The following H2BC7 variants were observed in gnomAD, a reference collection of about 807,000 sequenced individuals.
H2BC7 encodes the protein histone H2B type 1-C/E/F/G/I.
H2BC7 carries 15 observed loss-of-function variants against 6.0 expected under a neutral mutation model. That is an observed-to-expected ratio of 2.48 (90% CI 1.66 to 3.82). H2BC7 has a LOEUF of 3.82. H2BC7 is among the 30% of genes most tolerant of loss of function. The pLI is 0.00. For synonymous variants in H2BC7, 148 were observed against 70.7 expected, an observed-to-expected ratio of 2.09 and a Z score of -5.49; for missense variants, 227 against 169.4, an observed-to-expected ratio of 1.34 and a Z score of -1.89.
rs1202104828 is a variant in H2BC7, at chr6:26,199,659, G to C, written c.101G>C (p.Arg34Pro). 7.4e-6 allele frequency: 12 copies of C among 1,614,118 alleles called. No homozygotes were observed. The highest frequency in any genetic ancestry group is 1.0e-5 in the Non-Finnish European group (12 of 1,180,046). ...GATGGTAAGAAGCGCAAGCGTAGCC[G>C]CAAGGAGAGCTATTCCGTGTACGTG... Reference protein sequence around the residue: ...KKDGKKRKRSRKESYSVYVYK... With the variant: ...KKDGKKRKRSPKESYSVYVYK... Residue 34 changes from arginine to proline, a missense_variant, in exon 1 of 1, where the codon CGC becomes CCC. Transcript: ENST00000356530.
rs1398587882 is a variant in H2BC7, at chr6:26,199,591, A to C, written c.33A>C (p.Pro11=). MPEPAKSAPA[P]KKGSKKAVTK... is the part of the protein sequence containing the mutation. ...AACCTGCTAAGTCCGCTCCTGCTCC[A>C]AAAAAGGGCTCCAAAAAGGCGGTGA... Residue 11 remains proline, a synonymous_variant, in exon 1 of 1, where the codon CCA becomes CCC. Coordinates refer to ENST00000356530, the MANE Select transcript of H2BC7 (RefSeq NM_003522.4). 7.4e-6 allele frequency: 12 copies of C among 1,613,878 alleles called. No homozygotes were observed. The highest frequency in any genetic ancestry group is 1.0e-5 in the Non-Finnish European group (12 of 1,179,890).
chr6:26,199,785 G>T lies in H2BC7; in HGVS notation c.227G>T (p.Gly76Val), dbSNP rs371628950. ...AACGATATCTTCGAGCGCATCGCTG[G>T]CGAGGCTTCCCGCCTGGCGCATTAC... Reference protein sequence around the residue: ...FVNDIFERIAGEASRLAHYNK... With the variant: ...FVNDIFERIAVEASRLAHYNK... Residue 76 changes from glycine to valine, a missense_variant, in exon 1 of 1, where the codon GGC (glycine) becomes GTC (valine). Gly to Val is a moderately radical substitution (Grantham distance 109). Transcript: ENST00000356530. 110 of 1,614,222 alleles carry T rather than the reference G, an allele frequency of 6.8e-5. No individual in the cohort carries two copies. The highest frequency in any genetic ancestry group is 9.0e-5 in the Non-Finnish European group (106 of 1,180,044).
rs199976373 is a variant in H2BC7, at chr6:26,199,628, A to T, written c.70A>T (p.Lys24Ter). Residue 24 changes from lysine (K) to a stop codon, truncating the protein, a stop_gained, in exon 1 of 1, where the codon AAG becomes TAG. Coordinates refer to ENST00000356530, the MANE Select transcript of H2BC7 (RefSeq NM_003522.4). LOFTEE classifies it high-confidence loss of function. The stretch of plus-strand genomic sequence containing the variant: ...CAAAAAGGCGGTGACCAAGGCGCAG[A>T]AGAAGGATGGTAAGAAGCGCAAGCG... ...GSKKAVTKAQKKDGKKRKRSR... is the reference protein window; with the variant it reads ...GSKKAVTKAQ 3.7e-6 allele frequency: 6 copies of T among 1,614,180 alleles called. No homozygotes were observed. The highest frequency in any genetic ancestry group is 4.2e-6 in the Non-Finnish European group (5 of 1,179,966).
In H2BC7 at chr6:26,199,648, C is replaced by T. The variant is rs1182487583; in HGVS notation, c.90C>T (p.Arg30=). 3 of 1,614,128 alleles carry T rather than the reference C, an allele frequency of 1.9e-6. No individual in the cohort carries two copies. Among genetic ancestry groups the T allele is most frequent in the African/African-American group, 1.3e-5 (1 of 74,938 alleles). Residue 30 remains arginine, a synonymous_variant, in exon 1 of 1, where the codon CGC becomes CGT. Transcript: ENST00000356530. ...CGCAGAAGAAGGATGGTAAGAAGCGCAAGCGTAGCCGCAAGGAGAGCTATT... is the reference window on the plus strand; with the variant it reads ...CGCAGAAGAAGGATGGTAAGAAGCGTAAGCGTAGCCGCAAGGAGAGCTATT... ...TKAQKKDGKK[R]KRSRKESYSV... is the part of the protein sequence containing the mutation.
Position 26,199,825 on chromosome 6 carries a change from C to T in H2BC7, c.267C>T (p.Thr89=). Residue 89 remains threonine (T), a synonymous_variant, in exon 1 of 1, where the codon ACC becomes ACT. Coordinates refer to ENST00000356530, the MANE Select transcript of H2BC7 (RefSeq NM_003522.4). ...TGGCGCATTACAACAAGCGCTCCAC[C>T]ATCACCTCCAGGGAGATCCAGACGG... is the stretch of plus-strand genomic sequence containing the variant. ...SRLAHYNKRS[T]ITSREIQTAV... is the part of the protein sequence containing the mutation. 9 of 1,614,254 alleles carry T rather than the reference C, an allele frequency of 5.6e-6. No individual in the cohort carries two copies. The highest frequency in any genetic ancestry group is 7.6e-6 in the Non-Finnish European group (9 of 1,180,048).
Position 26,199,626 on chromosome 6 carries a change from A to G in H2BC7, c.68A>G (p.Gln23Arg), listed in dbSNP as rs1434747421. 1.9e-6 allele frequency: 3 copies of G among 1,614,172 alleles called. No homozygotes were observed. The highest frequency in any genetic ancestry group is 8.5e-7 in the Non-Finnish European group (1 of 1,179,960). ...TCCAAAAAGGCGGTGACCAAGGCGC[A>G]GAAGAAGGATGGTAAGAAGCGCAAG... is the stretch of plus-strand genomic sequence containing the variant. ...KGSKKAVTKAQKKDGKKRKRS... is the reference protein window; with the variant it reads ...KGSKKAVTKARKKDGKKRKRS... Residue 23 changes from glutamine (Q) to arginine (R), a missense_variant, in exon 1 of 1, where the codon CAG (glutamine) becomes CGG (arginine). By Grantham distance (43) the Gln-to-Arg change is conservative (BLOSUM62 1). Coordinates refer to ENST00000356530, the MANE Select transcript of H2BC7 (RefSeq NM_003522.4).
rs1426581628 is a variant in H2BC7 at position 26,199,519 on chromosome 6, T to C, written c.-40T>C. 2 of 1,596,990 alleles carry C rather than the reference T, an allele frequency of 1.3e-6. No homozygotes were observed. The highest frequency in any genetic ancestry group is 2.7e-5 in the African/African-American group (2 of 73,670). ...TTACCAGCTGCAGAGTGAGGACACT[T>C]GCATTTCTCTTTAGGTTGTGGACGA... On this transcript the variant is annotated 5_prime_UTR_variant, in exon 1 of 1. Transcript: ENST00000356530.
At position 26,199,609 on chromosome 6, in the gene H2BC7, G is replaced by A. The variant is rs1040661277; in HGVS notation, c.51G>A (p.Lys17=). The change falls in exon 1 of 1, where the codon AAG becomes AAA. Residue 17 remains lysine (K), a synonymous_variant. Transcript: ENST00000356530. ...CTGCTCCAAAAAAGGGCTCCAAAAA[G>A]GCGGTGACCAAGGCGCAGAAGAAGG... ...SAPAPKKGSK[K]AVTKAQKKDG... 1.9e-6 allele frequency: 3 copies of A among 1,614,128 alleles called. No individual in the cohort carries two copies. Among genetic ancestry groups the A allele is most frequent in the African/African-American group, 2.7e-5 (2 of 74,946 alleles).
Position 26,199,897 on chromosome 6 carries a change from A to C in H2BC7, c.339A>C (p.Ser113=), listed in dbSNP as rs771248660. The C allele has an allele frequency of 1.2e-6, 2 of 1,614,136 alleles. No homozygotes were observed. The highest frequency in any genetic ancestry group is 1.7e-6 in the Non-Finnish European group (2 of 1,180,056). Reference sequence around the variant, plus strand: ...GGGAGCTGGCTAAGCACGCCGTGTCAGAGGGCACCAAGGCCGTCACCAAGT... The same window carrying C: ...GGGAGCTGGCTAAGCACGCCGTGTCCGAGGGCACCAAGGCCGTCACCAAGT... The part of the protein sequence containing the change: ...LPGELAKHAV[S]EGTKAVTKYT... The change falls in exon 1 of 1, where the codon TCA becomes TCC. Residue 113 remains serine (S), a synonymous_variant. Transcript: ENST00000356530.
In H2BC7 at chr6:26,199,571, G is replaced by T; in HGVS notation, c.13G>T (p.Ala5Ser). The T allele has an allele frequency of 6.2e-7, 1 of 1,614,020 alleles. No individual in the cohort carries two copies. The highest frequency in any genetic ancestry group is 1.3e-5 in the African/African-American group (1 of 74,994). The change falls in exon 1 of 1, where the codon GCT becomes TCT. Residue 5 changes from alanine to serine, a missense_variant. By Grantham distance (99) the Ala-to-Ser change is moderately conservative. Coordinates refer to ENST00000356530, the MANE Select transcript of H2BC7 (RefSeq NM_003522.4). ...GTGTTTATTTATCATGCCTGAACCTGCTAAGTCCGCTCCTGCTCCAAAAAA... is the reference window on the plus strand; with the variant it reads ...GTGTTTATTTATCATGCCTGAACCTTCTAAGTCCGCTCCTGCTCCAAAAAA... MPEP[A>S]KSAPAPKKGS...
rs768751642 is a variant in H2BC7, at chr6:26,199,867, G to GC, written c.312dup (p.Gly105ArgfsTer5). Reference sequence around the variant, plus strand: ...TCCAGACGGCCGTACGCCTGCTGCTGCCCGGGGAGCTGGCTAAGCACGCCG... The same window carrying GC: ...TCCAGACGGCCGTACGCCTGCTGCTGCCCCGGGGAGCTGGCTAAGCACGCCG... On this transcript the variant is annotated frameshift_variant, in exon 1 of 1. Coordinates refer to ENST00000356530, the MANE Select transcript of H2BC7 (RefSeq NM_003522.4). LOFTEE classifies it high-confidence loss of function. 6.2e-6 allele frequency: 10 copies of GC among 1,614,252 alleles called. No individual in the cohort carries two copies. Among genetic ancestry groups the GC allele is most frequent in the Non-Finnish European group, 8.5e-6 (10 of 1,180,034 alleles).
chr6:26,199,893 T>C lies in H2BC7; in HGVS notation c.335T>C (p.Val112Ala). Residue 112 changes from valine to alanine, a missense_variant, in exon 1 of 1, where the codon GTG becomes GCG. Transcript: ENST00000356530. ...LLPGELAKHAVSEGTKAVTKY... is the reference protein window; with the variant it reads ...LLPGELAKHAASEGTKAVTKY... ...CCCGGGGAGCTGGCTAAGCACGCCGTGTCAGAGGGCACCAAGGCCGTCACC... is the reference window on the plus strand; with the variant it reads ...CCCGGGGAGCTGGCTAAGCACGCCGCGTCAGAGGGCACCAAGGCCGTCACC... 1 of 1,614,266 alleles carries C rather than the reference T, an allele frequency of 6.2e-7. No individual in the cohort carries two copies.
In H2BC7 at chr6:26,199,595, A is replaced by T. The variant is rs779742986; in HGVS notation, c.37A>T (p.Lys13Ter). 6.2e-7 allele frequency: 1 copy of T among 1,614,176 alleles called. No homozygotes were observed. Among genetic ancestry groups the T allele is most frequent in the African/African-American group, 1.3e-5 (1 of 75,056 alleles). Reference protein sequence around the residue: ...EPAKSAPAPKKGSKKAVTKAQ... With the variant: ...EPAKSAPAPK ...TGCTAAGTCCGCTCCTGCTCCAAAAAAGGGCTCCAAAAAGGCGGTGACCAA... is the reference window on the plus strand; with the variant it reads ...TGCTAAGTCCGCTCCTGCTCCAAAATAGGGCTCCAAAAAGGCGGTGACCAA... Residue 13 changes from lysine (K) to a stop codon, truncating the protein, a stop_gained, in exon 1 of 1, where the codon AAG becomes TAG. Transcript: ENST00000356530. LOFTEE classifies it high-confidence loss of function.
At position 26,199,540 on chromosome 6, in the gene H2BC7, G is replaced by C; in HGVS notation, c.-19G>C. 1 of 1,609,380 alleles carries C rather than the reference G, an allele frequency of 6.2e-7. No individual in the cohort carries two copies. The highest frequency in any genetic ancestry group is 8.5e-7 in the Non-Finnish European group (1 of 1,178,626). On this transcript the variant is annotated 5_prime_UTR_variant, in exon 1 of 1. Transcript: ENST00000356530. ...CACTTGCATTTCTCTTTAGGTTGTG[G>C]ACGAAGTGTTTATTTATCATGCCTG...
chr6:26,199,598 G>C lies in H2BC7; in HGVS notation c.40G>C (p.Gly14Arg). ...TAAGTCCGCTCCTGCTCCAAAAAAG[G>C]GCTCCAAAAAGGCGGTGACCAAGGC... ...PAKSAPAPKK[G>R]SKKAVTKAQK... The change falls in exon 1 of 1, where the codon GGC (glycine) becomes CGC (arginine). Residue 14 changes from glycine to arginine, a missense_variant. Gly to Arg is a moderately radical substitution (Grantham distance 125, BLOSUM62 -2). Transcript: ENST00000356530. The C allele has an allele frequency of 6.2e-7, 1 of 1,614,126 alleles. No homozygotes were observed. Among genetic ancestry groups the C allele is most frequent in the Non-Finnish European group, 8.5e-7 (1 of 1,180,006 alleles).
rs1200137193 is a variant in H2BC7, at chr6:26,199,695, T to C, written c.137T>C (p.Leu46Pro). ...ESYSVYVYKV[L>P]KQVHPDTGIS... is the part of the protein sequence containing the mutation. ...TATTCCGTGTACGTGTACAAGGTGC[T>C]AAAGCAGGTCCACCCCGACACCGGC... Residue 46 changes from leucine to proline, a missense_variant, in exon 1 of 1, where the codon CTA becomes CCA. Physicochemically the swap from Leu to Pro is moderately conservative, Grantham distance 98. Coordinates refer to ENST00000356530, the MANE Select transcript of H2BC7 (RefSeq NM_003522.4). The C allele has an allele frequency of 4.3e-6, 7 of 1,614,116 alleles. No homozygotes were observed. In the African/African-American group the frequency reaches 8.0e-5, roughly 18 times the overall value.
In H2BC7 at chr6:26,199,768, C is replaced by T; in HGVS notation, c.210C>T (p.Ile70=). 2 of 1,614,270 alleles carry T rather than the reference C, an allele frequency of 1.2e-6. No homozygotes were observed. The highest frequency in any genetic ancestry group is 1.7e-6 in the Non-Finnish European group (2 of 1,180,046). Residue 70 remains isoleucine, a synonymous_variant, in exon 1 of 1, where the codon ATC becomes ATT. Coordinates refer to ENST00000356530, the MANE Select transcript of H2BC7 (RefSeq NM_003522.4). ...TCATGAACTCCTTCGTCAACGATATCTTCGAGCGCATCGCTGGCGAGGCTT... is the reference window on the plus strand; with the variant it reads ...TCATGAACTCCTTCGTCAACGATATTTTCGAGCGCATCGCTGGCGAGGCTT... The part of the protein sequence containing the change: ...MGIMNSFVND[I]FERIAGEASR...
Position 26,199,594 on chromosome 6 carries a change from A to G in H2BC7, c.36A>G (p.Lys12=), listed in dbSNP as rs41266807. 232,291 of 1,614,052 alleles carry G rather than the reference A, an allele frequency of 0.14. 17,667 individuals are homozygous for G. The highest frequency in any genetic ancestry group is 0.25 in the Middle Eastern group (1,492 of 6,062). The change falls in exon 1 of 1, where the codon AAA becomes AAG. Residue 12 remains lysine, a synonymous_variant. Transcript: ENST00000356530. ...PEPAKSAPAP[K]KGSKKAVTKA... Reference sequence around the variant, plus strand: ...CTGCTAAGTCCGCTCCTGCTCCAAAAAAGGGCTCCAAAAAGGCGGTGACCA... The same window carrying G: ...CTGCTAAGTCCGCTCCTGCTCCAAAGAAGGGCTCCAAAAAGGCGGTGACCA...
rs780276989 is a variant in H2BC7, at chr6:26,199,751, T to C, written c.193T>C (p.Ser65Pro). ...ISSKAMGIMN[S>P]FVNDIFERIA... The stretch of plus-strand genomic sequence containing the variant: ...ATCCAAGGCCATGGGCATCATGAAC[T>C]CCTTCGTCAACGATATCTTCGAGCG... Residue 65 changes from serine (S) to proline (P), a missense_variant, in exon 1 of 1, where the codon TCC becomes CCC. Coordinates refer to ENST00000356530, the MANE Select transcript of H2BC7 (RefSeq NM_003522.4). The C allele has an allele frequency of 3.8e-5, 62 of 1,614,122 alleles. No individual in the cohort carries two copies. The highest frequency in any genetic ancestry group is 5.1e-5 in the Non-Finnish European group (60 of 1,180,038).
Sources: gnomAD v4.1 joint callset for allele counts on GRCh38, gnomAD v4.1.1 for gene constraint, MANE v1.5 for transcripts, NCBI Gene and HGNC (gene_info 2026-07-23, HGNC 2026-07-21) for gene names.